The following NUP160 variants were observed in gnomAD, a reference collection of about 807,000 sequenced individuals.
The protein encoded by NUP160 is nucleoporin 160.
NUP160 carries 94 observed loss-of-function variants against 196.9 expected under a neutral mutation model. The observed-to-expected ratio is 0.48, with a 90% CI of 0.40 to 0.57. The LOEUF is 0.57. Ranked by LOEUF, NUP160 falls within the 20% of genes least tolerant of loss-of-function variation. The probability of loss-of-function intolerance (pLI) is 0.00; values close to 1 mark genes in which losing one functional copy is unlikely to be tolerated. For synonymous variants in NUP160, 605 were observed against 619.7 expected, an observed-to-expected ratio of 0.98 and a Z score of 0.35; for missense variants, 1,638 against 1,748.3, an observed-to-expected ratio of 0.94 and a Z score of 1.13.
intron 15 of NUP160, 23 bp downstream of exon 15, chr11:47,812,859 C>A (rs773974339): frequency 4.4e-6 from 7 of 1,587,188 alleles, no homozygotes; most frequent in Admixed American, 1.8e-5. Flanking sequence ...TTAGGAAATG[C>A]ACTTTACCCT....
At chr11:47,835,280 C>T (rs775091034) in intron 7 of NUP160, among the ~76,000 whole-genome samples, 8 of 152,160 alleles carry the variant, frequency 5.3e-5, no homozygotes, top group Non-Finnish European at 1.2e-4. Context: ...TCACATCCTA[C>T]GTATCTCATC....
chr11:47,832,026 T>C (rs1441034886), intron 7 of NUP160, among the ~76,000 whole-genome samples: 9 of 150,328 alleles, frequency 6.0e-5, no homozygotes, highest in African/African-American at 2.2e-4. Context: ...CTCAGCCTCC[T>C]GAGCAGCTGG....
At position 47,798,556 on chromosome 11, in the gene NUP160, A is replaced by C. The variant is rs2097672235; in HGVS notation, c.2896-93T>G. 35 of 728,638 alleles carry C rather than the reference A, an allele frequency of 4.8e-5. No homozygotes were observed. The South Asian group carries it at 6.1e-4, about 13-fold the overall frequency. The allele number at this position is 728,638 out of a possible 1,614,324, so 45.1% of individuals were successfully genotyped here. On this transcript the variant is annotated intron_variant, in intron 23 of 35. Coordinates refer to ENST00000378460, the Ensembl canonical transcript of NUP160. ...TTAAAATTATTGAGAAAGGTTAAGT[A>C]GGCCGGCATGGTGGCTCACACCTCC... is the stretch of plus-strand genomic sequence containing the variant.
intron 15 of NUP160, 66 bp downstream of exon 15, chr11:47,812,816 T>A: frequency 1.4e-6 from 2 of 1,386,316 alleles, no homozygotes; most frequent in Middle Eastern, 1.8e-4. Flanking sequence ...ACATTAAAAT[T>A]CCAACTTTGG....
chr11:47,815,716 A>G (rs754608183), intron 12 of NUP160, 67 bp from the exon 13 acceptor site: 23 of 1,349,504 alleles, frequency 1.7e-5, no homozygotes, highest in South Asian at 7.0e-5. Context: ...CACAAAAAAC[A>G]TAATTGTCCA....
At chr11:47,816,480 A>G (rs535122958) in intron 11 of NUP160, among the ~76,000 whole-genome samples, 4 of 152,372 alleles carry the variant, frequency 2.6e-5, no homozygotes, top group African/African-American at 9.6e-5. Context: ...AGTAATTTAA[A>G]GAAGCCTATG....
chr11:47,779,141 C>T, exon 36 of NUP160: 1 of 1,613,798 alleles, frequency 6.2e-7, no homozygotes, highest in East Asian at 2.2e-5. Context: ...CCCGTGTTGC[C>T]TTATCAACTT....
At chr11:47,835,940 T>C (rs1262049510) in intron 6 of NUP160, 131 bp from the exon 7 acceptor site, 10 of 752,756 alleles carry the variant, frequency 1.3e-5, no homozygotes, top group Middle Eastern at 5.4e-4. Context: ...ACCTTACAGG[T>C]TTTTGTTTCA....
intron 7 of NUP160, among the ~76,000 whole-genome samples, chr11:47,830,024 A>T (rs1852043835): frequency 6.6e-6 from 1 of 152,232 alleles, no homozygotes; most frequent in Non-Finnish European, 1.5e-5. Context: ...TACAAATGAA[A>T]GGCAAACAAC....
chr11:47,822,574 CTTTTT>C (rs74613052), intron 7 of NUP160, among the ~76,000 whole-genome samples: 1 of 142,550 alleles, frequency 7.0e-6, no homozygotes, highest in East Asian at 2.3e-4. Context: ...TTTTTCTTTT[CTTTTT>C]TTTTTTTTAA....
At chr11:47,799,310 C>T (rs747089747) in intron 23 of NUP160, among the ~76,000 whole-genome samples, 5 of 151,646 alleles carry the variant, frequency 3.3e-5, no homozygotes, top group African/African-American at 4.8e-5. Flanking sequence ...GGTTTTGATC[C>T]CCTGACCTCA....
chr11:47,782,305 T>A (rs926182149), intron 34 of NUP160, among the ~76,000 whole-genome samples: 2,484 of 10,176 alleles, frequency 0.24, 553 homozygotes, highest in African/African-American at 0.46. Flanking sequence ...AAAAAAAAAA[T>A]ATATATATAT....
intron 18 of NUP160, among the ~76,000 whole-genome samples, chr11:47,808,121 A>G (rs1039049443): frequency 1.6e-4 from 24 of 152,158 alleles, no homozygotes; most frequent in African/African-American, 5.8e-4. Context: ...CATCTCTACA[A>G]AAGTACAAAA....
intron 29 of NUP160, 49 bp downstream of exon 29, chr11:47,791,878 TAAC>T (rs772135701): frequency 1.8e-5 from 21 of 1,135,198 alleles, no homozygotes; most frequent in Non-Finnish European, 2.8e-5. Flanking sequence ...CAACTAACAA[TAAC>T]AACATTACTA....
At chr11:47,780,544 T>C (rs1367189188) in intron 34 of NUP160, 97 bp from the exon 35 acceptor site, 30 of 473,472 alleles carry the variant, frequency 6.3e-5, no homozygotes, top group African/African-American at 2.2e-4. Flanking sequence ...AATACCCTTT[T>C]TTTTTTTTTT....
At chr11:47,793,722 GT>G (rs750497969) in intron 27 of NUP160, among the ~76,000 whole-genome samples, 34 of 87,588 alleles carry the variant, frequency 3.9e-4, no homozygotes, top group Middle Eastern at 6.2e-3. Flanking sequence ...TAAGATATCT[GT>G]TTTTTTTTTT....
At chr11:47,812,950 A>G (rs1428084720) in exon 15 of NUP160, 1 of 1,613,118 alleles carries the variant, frequency 6.2e-7, no homozygotes, top group East Asian at 2.2e-5. Context: ...GGTTATAACA[A>G]CTCATTTCCA....
intron 27 of NUP160, chr11:47,796,201 G>T: frequency 2.2e-6 from 1 of 445,312 alleles, no homozygotes; most frequent in Non-Finnish European, 4.1e-6. Context: ...CCAGACACCA[G>T]GAAGGTGAGA....
At chr11:47,808,471 G>A (rs2097679063) in exon 18 of NUP160, 1 of 1,613,634 alleles carries the variant, frequency 6.2e-7, no homozygotes, top group African/African-American at 1.3e-5. Flanking sequence ...GAGTAGGGGA[G>A]CTGTTCGATG....
Sources: gnomAD v4.1 joint callset for allele counts (sites outside exome capture counted in the v4.1 genomes callset) on GRCh38, gnomAD v4.1.1 for gene constraint, MANE v1.5 for transcripts, NCBI Gene and HGNC (gene_info 2026-07-23, HGNC 2026-07-21) for gene names.